CNTNAP2: variants seen among roughly 807,000 people sequenced by gnomAD.
CNTNAP2 encodes contactin-associated protein-like 2.
In CNTNAP2, 98 loss-of-function variants were observed where a neutral mutation model predicts 155.2. That is an observed-to-expected ratio of 0.63 (90% CI 0.54 to 0.75). CNTNAP2 has a LOEUF of 0.75. Ranked by LOEUF, CNTNAP2 falls within the 30% of genes least tolerant of loss-of-function variation. CNTNAP2 has a pLI of 0.00. For synonymous variants in CNTNAP2, 651 were observed against 631.2 expected, an observed-to-expected ratio of 1.03 and a Z score of -0.47; for missense variants, 1,727 against 1,688.1, an observed-to-expected ratio of 1.02 and a Z score of -0.40.
chr7:146,483,324 T>A (rs867139057), intron 1 of CNTNAP2, among the ~76,000 whole-genome samples: 1 of 83,812 alleles, frequency 1.2e-5, no homozygotes. Context: ...TATATATATA[T>A]ATATACATAT....
At chr7:146,628,518 A>G (rs1799458224) in intron 1 of CNTNAP2, among the ~76,000 whole-genome samples, 1 of 152,172 alleles carries the variant, frequency 6.6e-6, no homozygotes, top group Non-Finnish European at 1.5e-5. Context: ...TAATTATGTC[A>G]GGTAATGCAT....
At chr7:146,340,167 T>G (rs1161584462) in intron 1 of CNTNAP2, among the ~76,000 whole-genome samples, 1 of 42,374 alleles carries the variant, frequency 2.4e-5, no homozygotes, top group Non-Finnish European at 3.6e-5. Context: ...AGACTCCGCC[T>G]CAAAAAAAAA....
chr7:146,249,361 C>G (rs1584827162), intron 1 of CNTNAP2, among the ~76,000 whole-genome samples: 3 of 152,150 alleles, frequency 2.0e-5, no homozygotes, highest in Non-Finnish European at 2.9e-5. Flanking sequence ...AAAAATTCTT[C>G]AAATTCAAAT....
chr7:146,489,919 C>A (rs1327380618), intron 1 of CNTNAP2, among the ~76,000 whole-genome samples: 13 of 151,938 alleles, frequency 8.6e-5, no homozygotes, highest in African/African-American at 3.1e-4. Flanking sequence ...AACAAAAGCA[C>A]CACTTAAAGG....
chr7:147,139,833 G>GT (rs1414719977), intron 8 of CNTNAP2, among the ~76,000 whole-genome samples: 3 of 151,970 alleles, frequency 2.0e-5, no homozygotes, highest in African/African-American at 7.3e-5. Flanking sequence ...CTTCATCAAG[G>GT]TTTTTCACAA....
In CNTNAP2 at chr7:146,734,259, G is replaced by T. The variant is rs532245454; in HGVS notation, c.98-40012G>T. ...GTGTATTATTATTTTTCAAGGCTGG[G>T]TATAGAGCTATATATTGTTGAGCTG... On this transcript the variant is annotated intron_variant, in intron 1 of 23. Coordinates refer to ENST00000361727, the MANE Select transcript of CNTNAP2 (RefSeq NM_014141.6). Among the ~76,000 whole-genome samples the T allele has an allele frequency of 2.0e-5, 3 of 152,078 alleles. No homozygotes were observed. In the South Asian group the frequency reaches 6.2e-4, roughly 32 times the overall value.
intron 1 of CNTNAP2, among the ~76,000 whole-genome samples, chr7:146,232,708 C>T (rs753291814): frequency 1.7e-4 from 26 of 152,112 alleles, no homozygotes; most frequent in Non-Finnish European, 2.8e-4. Flanking sequence ...TTCATTCATT[C>T]ATTCAAAAAC....
chr7:147,199,597 GT>G lies in CNTNAP2; in HGVS notation c.1348+67099del, dbSNP rs759844308. ...TCTAAGTTTTGATTGAATAGAATGGGTTTTTTTTTTTCAAGATCAAGTCTTT... is the reference window on the plus strand; with the variant it reads ...TCTAAGTTTTGATTGAATAGAATGGGTTTTTTTTTTCAAGATCAAGTCTTT... On this transcript the variant is annotated intron_variant, in intron 8 of 23. Transcript: ENST00000361727. Among the ~76,000 whole-genome samples the G allele has an allele frequency of 4.3e-3, 625 of 144,438 alleles. 5 individuals are homozygous for G. Among genetic ancestry groups the G allele is most frequent in the African/African-American group, 0.014 (571 of 39,906 alleles). 94.8% of individuals were successfully genotyped at this position (144,438 alleles called of 152,430 possible).
At chr7:147,697,085 G>C (rs6948017) in intron 13 of CNTNAP2, among the ~76,000 whole-genome samples, 2,388 of 152,198 alleles carry the variant, frequency 0.016, 67 homozygotes, top group African/African-American at 0.055. Context: ...TTAATGTGTG[G>C]TTTGGAAGTT....
In CNTNAP2 at chr7:147,316,980, G is replaced by A. The variant is rs112241949; in HGVS notation, c.1498+16690G>A. ...GACCTGTCTAATATTTTCCATATCA[G>A]TGAATGTGCCATTGCCCTCCATCCA... is the stretch of plus-strand genomic sequence containing the variant. On this transcript the variant is annotated intron_variant, in intron 9 of 23. Coordinates refer to ENST00000361727, the MANE Select transcript of CNTNAP2 (RefSeq NM_014141.6). Among the ~76,000 whole-genome samples the A allele has an allele frequency of 7.7e-3, 1,176 of 152,306 alleles. 19 individuals are homozygous for A. The highest frequency in any genetic ancestry group is 0.027 in the African/African-American group (1,114 of 41,574).
intron 3 of CNTNAP2, among the ~76,000 whole-genome samples, chr7:146,960,447 A>G (rs1797533762): frequency 6.6e-6 from 1 of 152,076 alleles, no homozygotes; most frequent in Admixed American, 6.5e-5. Context: ...GCCTGTGCTG[A>G]TTAAACTATG....
chr7:147,811,049 G>T (rs969940693), intron 13 of CNTNAP2, among the ~76,000 whole-genome samples: 2 of 152,138 alleles, frequency 1.3e-5, no homozygotes, highest in African/African-American at 4.8e-5. Context: ...AGTTAGTCTT[G>T]TTCTCCAGTT....
intron 13 of CNTNAP2, among the ~76,000 whole-genome samples, chr7:147,825,979 G>C (rs1198682484): frequency 6.6e-6 from 1 of 152,154 alleles, no homozygotes; most frequent in Non-Finnish European, 1.5e-5. Flanking sequence ...TTTGTGGAGG[G>C]ATAGTAGGTA....
At chr7:147,347,832 T>C (rs1795903735) in intron 9 of CNTNAP2, among the ~76,000 whole-genome samples, 1 of 151,966 alleles carries the variant, frequency 6.6e-6, no homozygotes, top group African/African-American at 2.4e-5. Context: ...TTAAAACAGA[T>C]ACATGGACTA....
intron 3 of CNTNAP2, among the ~76,000 whole-genome samples, chr7:146,994,850 G>A (rs955685976): frequency 1.3e-5 from 2 of 149,574 alleles, no homozygotes; most frequent in African/African-American, 2.4e-5. Context: ...TTTTTGTGGT[G>A]AGAACACTTA....
chr7:147,868,209 C>T (rs1428055545), intron 13 of CNTNAP2, among the ~76,000 whole-genome samples: 1 of 152,224 alleles, frequency 6.6e-6, no homozygotes. Context: ...TCAGGTCCCT[C>T]AGCTGCAGTT....
intron 12 of CNTNAP2, among the ~76,000 whole-genome samples, chr7:147,584,182 G>A (rs949180074): frequency 6.6e-6 from 1 of 152,168 alleles, no homozygotes; most frequent in African/African-American, 2.4e-5. Flanking sequence ...ATGCACAAAA[G>A]TGATATAATT....
chr7:147,346,460 C>A (rs970761726), intron 9 of CNTNAP2, among the ~76,000 whole-genome samples: 1 of 152,094 alleles, frequency 6.6e-6, no homozygotes, highest in Non-Finnish European at 1.5e-5. Context: ...GGCCCATAAT[C>A]GAAGATTTTA....
intron 3 of CNTNAP2, among the ~76,000 whole-genome samples, chr7:146,911,713 A>G (rs1263266036): frequency 4.6e-5 from 7 of 151,506 alleles, no homozygotes; most frequent in East Asian, 2.0e-4. Context: ...GCTAGATGAC[A>G]AGTTAGTGGG....
Sources: allele counts gnomAD v4.1 joint callset (sites outside exome capture counted in the v4.1 genomes callset), GRCh38; gene constraint gnomAD v4.1.1; transcripts MANE v1.5; gene names NCBI Gene and HGNC (gene_info 2026-07-23, HGNC 2026-07-21).